Variants in L3MBTL4 observed in about 807,000 individuals in gnomAD.
The protein encoded by L3MBTL4 is lethal(3)malignant brain tumor-like protein 4.
L3MBTL4 carries 70 observed loss-of-function variants against 84.5 expected under a neutral mutation model. That is an observed-to-expected ratio of 0.83 (90% CI 0.68 to 1.01). The LOEUF (loss-of-function observed/expected upper bound fraction) is 1.01. L3MBTL4 is among the 50% of genes least tolerant of loss of function. The pLI, the probability that L3MBTL4 is intolerant of heterozygous loss-of-function variation, is 0.00. For missense variants in L3MBTL4, 715 were observed against 754.8 expected (o/e 0.95, Z 0.62); for synonymous variants, 274 against 259.8 (o/e 1.05, Z -0.52).
chr18:5,992,157 C>T (rs948062357), intron 16 of L3MBTL4, among the ~76,000 whole-genome samples: 3 of 152,100 alleles, frequency 2.0e-5, no homozygotes, highest in Admixed American at 6.5e-5. Context: ...GAGGTACGTG[C>T]GAGGAGGACA....
At chr18:6,385,275 G>A (rs950034891) in intron 1 of L3MBTL4, among the ~76,000 whole-genome samples, 3 of 152,114 alleles carry the variant, frequency 2.0e-5, no homozygotes, top group African/African-American at 2.4e-5. Flanking sequence ...AGTGGCATGT[G>A]CCTGTAGTCC....
intron 1 of L3MBTL4, among the ~76,000 whole-genome samples, chr18:6,312,786 C>T (rs995619778): frequency 2.0e-5 from 3 of 151,922 alleles, no homozygotes; most frequent in Non-Finnish European, 4.4e-5. Flanking sequence ...ATTGAATTTA[C>T]CTTCTTCCTC....
intron 16 of L3MBTL4, among the ~76,000 whole-genome samples, chr18:6,052,552 T>G (rs1003169730): frequency 6.6e-6 from 1 of 152,212 alleles, no homozygotes; most frequent in East Asian, 1.9e-4. Context: ...ACGCCTCTTG[T>G]GGAATAACAA....
intron 10 of L3MBTL4, among the ~76,000 whole-genome samples, chr18:6,226,805 T>TA (rs1029080795): frequency 2.0e-5 from 3 of 151,946 alleles, no homozygotes; most frequent in African/African-American, 7.3e-5. Context: ...ATAAAATCTT[T>TA]AAAAAGTCAG....
intron 16 of L3MBTL4, chr18:6,031,261 A>G: frequency 1.0e-6 from 1 of 985,464 alleles, no homozygotes; most frequent in Non-Finnish European, 1.2e-6. Context: ...TCTTCTGCTA[A>G]TAAGCACAGC....
intron 16 of L3MBTL4, chr18:6,031,753 C>T: frequency 1.0e-6 from 1 of 985,018 alleles, no homozygotes; most frequent in Non-Finnish European, 1.2e-6. Flanking sequence ...AGTGCTGTCT[C>T]ACACCTCTGT....
chr18:6,018,385 T>G (rs947065572), intron 16 of L3MBTL4, among the ~76,000 whole-genome samples: 3 of 152,178 alleles, frequency 2.0e-5, no homozygotes, highest in African/African-American at 7.2e-5. Flanking sequence ...GTGATTCTGA[T>G]GAACAGCAGG....
At chr18:6,246,282 T>C (rs1190279344) in intron 5 of L3MBTL4, among the ~76,000 whole-genome samples, 1 of 152,206 alleles carries the variant, frequency 6.6e-6, no homozygotes, top group Non-Finnish European at 1.5e-5. Flanking sequence ...TGTTTTTCAA[T>C]TTTCACATAA....
intron 13 of L3MBTL4, among the ~76,000 whole-genome samples, chr18:6,167,287 A>G (rs2043721063): frequency 6.6e-6 from 1 of 152,224 alleles, no homozygotes; most frequent in African/African-American, 2.4e-5. Flanking sequence ...AAACTATTCC[A>G]ATCAATAGAA....
intron 16 of L3MBTL4, among the ~76,000 whole-genome samples, chr18:6,063,308 T>A (rs1482072614): frequency 6.6e-6 from 1 of 150,978 alleles, no homozygotes; most frequent in Non-Finnish European, 1.5e-5. Flanking sequence ...TCTGTGTGTG[T>A]GTGTGTGTGT....
intron 1 of L3MBTL4, among the ~76,000 whole-genome samples, chr18:6,312,304 C>G (rs934479970): frequency 6.6e-6 from 1 of 152,114 alleles, no homozygotes; most frequent in Non-Finnish European, 1.5e-5. Context: ...CTTTTAATAG[C>G]CCTAAATCAT....
intron 12 of L3MBTL4, among the ~76,000 whole-genome samples, chr18:6,208,148 TAAATA>T (rs2045952349): frequency 1.3e-5 from 2 of 151,364 alleles, no homozygotes; most frequent in African/African-American, 4.9e-5. Flanking sequence ...AATAAATAAA[TAAATA>T]AATAAATAAT....
Position 6,285,809 on chromosome 18 carries a change from ATATTATTAT to A in L3MBTL4, c.127+16085_127+16093del, listed in dbSNP as rs139613072. Among the ~76,000 whole-genome samples the A allele has an allele frequency of 1.1e-3, 151 of 143,232 alleles. 1 individual carries two copies. Among genetic ancestry groups the A allele is most frequent in the African/African-American group, 3.1e-3 (122 of 38,820 alleles). The allele number at this position is 143,232 out of a possible 152,430, so 94.0% of individuals were successfully genotyped here. A position where few individuals can be genotyped will look rare whatever the true frequency, so the allele number is the denominator to read the frequency against. On this transcript the variant is annotated intron_variant, in intron 4 of 18. Transcript: ENST00000317931. ...GGACCAATGAACTTTTTTAAAAGAT[ATATTATTAT>A]TATTATTATTATTATTATTATTATT... is the stretch of plus-strand genomic sequence containing the variant.
At chr18:6,314,154 C>A (rs1235554538) in intron 1 of L3MBTL4, among the ~76,000 whole-genome samples, 1 of 152,112 alleles carries the variant, frequency 6.6e-6, no homozygotes, top group Non-Finnish European at 1.5e-5. Context: ...ATGCAAAGAG[C>A]ATATTCTACT....
At chr18:6,233,109 A>G (rs1207693639) in intron 10 of L3MBTL4, among the ~76,000 whole-genome samples, 1 of 152,146 alleles carries the variant, frequency 6.6e-6, no homozygotes, top group African/African-American at 2.4e-5. Flanking sequence ...GCCTTTGACA[A>G]AATTCAACAA....
intron 12 of L3MBTL4, among the ~76,000 whole-genome samples, chr18:6,189,277 A>T (rs1206718348): frequency 6.6e-6 from 1 of 152,220 alleles, no homozygotes; most frequent in Non-Finnish European, 1.5e-5. Flanking sequence ...GGATGAGCTC[A>T]TCTCAAGATC....
chr18:6,024,609 T>C (rs1023467899), intron 16 of L3MBTL4, among the ~76,000 whole-genome samples: 1 of 152,206 alleles, frequency 6.6e-6, no homozygotes, highest in Non-Finnish European at 1.5e-5. Context: ...ATTACATAAA[T>C]AGTGCCTCTG....
chr18:6,021,550 A>G (rs1481307665), intron 16 of L3MBTL4, among the ~76,000 whole-genome samples: 3 of 152,204 alleles, frequency 2.0e-5, no homozygotes, highest in Admixed American at 6.5e-5. Context: ...TGCAACAGGA[A>G]CTGCTCCCCA....
intron 16 of L3MBTL4, among the ~76,000 whole-genome samples, chr18:6,014,123 G>T (rs2054855770): frequency 6.6e-6 from 1 of 152,148 alleles, no homozygotes; most frequent in African/African-American, 2.4e-5. Context: ...AATTCTTTCT[G>T]CTTCTTCTGC....
Sources: allele counts gnomAD v4.1 joint callset (sites outside exome capture counted in the v4.1 genomes callset), GRCh38; gene constraint gnomAD v4.1.1; transcripts MANE v1.5; gene names NCBI Gene and HGNC (gene_info 2026-07-23, HGNC 2026-07-21).